DLGAP1: variants seen among roughly 807,000 people sequenced by gnomAD.
DLGAP1 encodes DLG associated protein 1, also known as disks large-associated protein 1.
In DLGAP1, 11 loss-of-function variants were observed where a neutral mutation model predicts 90.8. That is an observed-to-expected ratio of 0.12 (90% CI 0.08 to 0.20). DLGAP1 has a LOEUF of 0.20. Among genes scored for constraint, DLGAP1 ranks in the 10% least tolerant of loss-of-function variants. DLGAP1 has a pLI of 1.00. For missense variants in DLGAP1, 1,050 were observed against 1,333.8 expected (o/e 0.79, Z 3.31); for synonymous variants, 558 against 540.7 (o/e 1.03, Z -0.44).
At chr18:3,669,039 CAT>C (rs1806607431) in intron 7 of DLGAP1, among the ~76,000 whole-genome samples, 2 of 151,640 alleles carry the variant, frequency 1.3e-5, no homozygotes, top group Non-Finnish European at 2.9e-5. Context: ...TAATATTTGA[CAT>C]GTTAATATTC....
At chr18:4,204,888 T>C (rs941787686) in intron 1 of DLGAP1, among the ~76,000 whole-genome samples, 2 of 152,144 alleles carry the variant, frequency 1.3e-5, no homozygotes, top group Non-Finnish European at 2.9e-5. Flanking sequence ...TTTTTTTTTT[T>C]TTTTGTGGTT....
intron 2 of DLGAP1, among the ~76,000 whole-genome samples, chr18:4,010,323 T>C (rs549446973): frequency 1.9e-4 from 29 of 152,228 alleles, no homozygotes; most frequent in Admixed American, 6.5e-4. Flanking sequence ...GGCAGGAGGA[T>C]TGCTAGAGCG....
chr18:3,899,445 G>A (rs2071734810), intron 3 of DLGAP1, among the ~76,000 whole-genome samples: 1 of 152,236 alleles, frequency 6.6e-6, no homozygotes, highest in African/African-American at 2.4e-5. Flanking sequence ...AGTCAGAGAA[G>A]TGGCTTTGGG....
intron 3 of DLGAP1, among the ~76,000 whole-genome samples, chr18:3,970,386 A>G (rs1006151763): frequency 6.6e-6 from 1 of 152,336 alleles, no homozygotes; most frequent in Admixed American, 6.5e-5. Context: ...TGAAGCCATT[A>G]GGATCAATTT....
At chr18:4,053,836 C>A (rs79318193) in intron 2 of DLGAP1, among the ~76,000 whole-genome samples, 1 of 152,002 alleles carries the variant, frequency 6.6e-6, no homozygotes, top group South Asian at 2.1e-4. Context: ...TGGGTAAAAT[C>A]CAGTATTTGG....
intron 1 of DLGAP1, among the ~76,000 whole-genome samples, chr18:4,352,216 A>G (rs142244092): frequency 9.8e-4 from 149 of 152,328 alleles, no homozygotes; most frequent in South Asian, 3.9e-3. Flanking sequence ...GAAGCATCAT[A>G]TCAGGCTTCT....
intron 2 of DLGAP1, among the ~76,000 whole-genome samples, chr18:4,076,633 A>C (rs8085375): frequency 1.3e-5 from 2 of 151,894 alleles, no homozygotes; most frequent in South Asian, 4.2e-4. Flanking sequence ...TATTATTATT[A>C]TTTTTCTTGA....
chr18:3,881,238 C>A (rs1451995829), intron 3 of DLGAP1, among the ~76,000 whole-genome samples: 7 of 152,020 alleles, frequency 4.6e-5, no homozygotes, highest in Non-Finnish European at 1.0e-4. Flanking sequence ...GATTCCCCTG[C>A]CCCAGCCTTC....
chr18:4,003,267 T>TGCC (rs891967260), intron 3 of DLGAP1, among the ~76,000 whole-genome samples: 1 of 152,016 alleles, frequency 6.6e-6, no homozygotes, highest in African/African-American at 2.4e-5. Flanking sequence ...ACAGGGAAGG[T>TGCC]GCCATGGAAT....
intron 8 of DLGAP1, chr18:3,580,366 C>G (rs1476864520): frequency 6.2e-7 from 1 of 1,613,818 alleles, no homozygotes; most frequent in African/African-American, 1.3e-5. Context: ...ACTCGGGGCT[C>G]GAATTTCAGA....
At chr18:4,380,209 T>G (rs1015865314) in intron 1 of DLGAP1, among the ~76,000 whole-genome samples, 1 of 152,180 alleles carries the variant, frequency 6.6e-6, no homozygotes, top group Non-Finnish European at 1.5e-5. Context: ...TCTTGATGAT[T>G]TCCCAAATAT....
At chr18:4,385,646 A>C (rs146954304) in intron 1 of DLGAP1, among the ~76,000 whole-genome samples, 23 of 152,284 alleles carry the variant, frequency 1.5e-4, no homozygotes, top group African/African-American at 4.1e-4. Context: ...TCCAATTGAC[A>C]GGCTGTTCTA....
At chr18:4,298,247 C>A (rs2080033702) in intron 1 of DLGAP1, among the ~76,000 whole-genome samples, 1 of 152,144 alleles carries the variant, frequency 6.6e-6, no homozygotes, top group Non-Finnish European at 1.5e-5. Context: ...ACTGCATTTT[C>A]AATCTGTGTT....
intron 2 of DLGAP1, among the ~76,000 whole-genome samples, chr18:4,102,017 A>G (rs1432227051): frequency 6.6e-6 from 1 of 152,144 alleles, no homozygotes; most frequent in South Asian, 2.1e-4. Context: ...TATATATTAA[A>G]GCATTAAAGC....
chr18:4,361,950 G>A (rs2081639194), intron 1 of DLGAP1, among the ~76,000 whole-genome samples: 1 of 152,126 alleles, frequency 6.6e-6, no homozygotes, highest in Non-Finnish European at 1.5e-5. Flanking sequence ...CTCCAAGGAA[G>A]ATATACGCAT....
Position 4,376,733 on chromosome 18 carries a change from T to C in DLGAP1, c.-267+78273A>G, listed in dbSNP as rs76859130. 4.7e-3 allele frequency among the ~76,000 whole-genome samples: 708 copies of C among 152,248 alleles called. 5 individuals carry two copies. The highest frequency in any genetic ancestry group is 0.016 in the African/African-American group (676 of 41,554). ...ACTTGGTCAGTGATTCTTAATGGGT[T>C]GTGTTTCTCTCTGTAAATCCTCGGT... On this transcript the variant is annotated intron_variant, in intron 1 of 12. Transcript: ENST00000315677.
chr18:3,706,429 A>G (rs2061434911), intron 7 of DLGAP1, among the ~76,000 whole-genome samples: 1 of 152,198 alleles, frequency 6.6e-6, no homozygotes, highest in Admixed American at 6.5e-5. Context: ...AACAGCATTG[A>G]TGTGCTTAAT....
At chr18:4,115,754 G>A (rs776821243) in intron 2 of DLGAP1, among the ~76,000 whole-genome samples, 3 of 152,106 alleles carry the variant, frequency 2.0e-5, no homozygotes, top group Non-Finnish European at 2.9e-5. Context: ...GTAAGCCACC[G>A]CGCCCAGCCC....
At chr18:3,948,327 C>A (rs1410223090) in intron 3 of DLGAP1, among the ~76,000 whole-genome samples, 1 of 152,122 alleles carries the variant, frequency 6.6e-6, no homozygotes, top group Non-Finnish European at 1.5e-5. Context: ...AAGCACACTG[C>A]CAGTTACTCA....
Sources: allele counts gnomAD v4.1 joint callset (sites outside exome capture counted in the v4.1 genomes callset), GRCh38; gene constraint gnomAD v4.1.1; transcripts MANE v1.5; gene names NCBI Gene and HGNC (gene_info 2026-07-23, HGNC 2026-07-21).